CORO7: variants seen among roughly 807,000 people sequenced by gnomAD.
The protein encoded by CORO7 is coronin-7.
A neutral mutation model predicts 126.6 loss-of-function variants in CORO7; 107 were observed. That is an observed-to-expected ratio of 0.85 (90% CI 0.72 to 0.99). CORO7 has a LOEUF of 0.99. CORO7 is among the 50% of genes least tolerant of loss of function. CORO7 has a pLI of 0.00. For synonymous variants in CORO7, 603 were observed against 536.8 expected, an observed-to-expected ratio of 1.12 and a Z score of -1.70; for missense variants, 1,314 against 1,255.8, an observed-to-expected ratio of 1.05 and a Z score of -0.70.
Position 4,412,109 on chromosome 16 carries a change from CA to C in CORO7, c.232+246del, listed in dbSNP as rs1421151835. On this transcript the variant is annotated intron_variant, in intron 3 of 27. Coordinates refer to ENST00000251166, the MANE Select transcript of CORO7 (RefSeq NM_024535.5). ...GCATCAGCCTGGAGCCTGGGGCGGC[CA>C]CTGCACACCCCGCTCCATCCAGCTC... 2.0e-5 allele frequency among the ~76,000 whole-genome samples: 3 copies of C among 152,188 alleles called. No homozygotes were observed. The East Asian group carries it at 5.8e-4, about 29-fold the overall frequency.
Position 4,355,383 on chromosome 16 carries a change from G to A in CORO7, c.2686-11C>T, listed in dbSNP as rs2053943192. 2 of 1,606,220 alleles carry A rather than the reference G, an allele frequency of 1.2e-6. No individual in the cohort carries two copies. The highest frequency in any genetic ancestry group is 1.7e-6 in the Non-Finnish European group (2 of 1,178,816). On this transcript the variant is annotated splice_polypyrimidine_tract_variant and intron_variant, in intron 26 of 27. Transcript: ENST00000251166. ...CATGGCATTCAGCAGCTGGGAGAGAGGGCAGAAGAAGGGTAGGTAAGGGAA... is the reference window on the plus strand; with the variant it reads ...CATGGCATTCAGCAGCTGGGAGAGAAGGCAGAAGAAGGGTAGGTAAGGGAA...
At chr16:4,376,295 C>T (rs1173305844) in intron 9 of CORO7, among the ~76,000 whole-genome samples, 7 of 152,182 alleles carry the variant, frequency 4.6e-5, no homozygotes, top group African/African-American at 1.2e-4. Flanking sequence ...CCGTCCTGGC[C>T]GCCGGCACAG....
chr16:4,392,624 G>A (rs985439318), intron 7 of CORO7, among the ~76,000 whole-genome samples: 7 of 152,190 alleles, frequency 4.6e-5, no homozygotes, highest in Non-Finnish European at 1.0e-4. Flanking sequence ...AGGCGGCCCC[G>A]CTCCCTGACC....
chr16:4,364,199 G>A lies in CORO7; in HGVS notation c.1275+77C>T, dbSNP rs2054273534. ...AGACACTGTCTCAAAAAAAAAAAAAGGCCGTTCAGCCGGTGAACACTCAGG... is the reference window on the plus strand; with the variant it reads ...AGACACTGTCTCAAAAAAAAAAAAAAGCCGTTCAGCCGGTGAACACTCAGG... On this transcript the variant is annotated intron_variant, in intron 14 of 27. Coordinates refer to ENST00000251166, the MANE Select transcript of CORO7 (RefSeq NM_024535.5). 6 of 1,390,506 alleles carry A rather than the reference G, an allele frequency of 4.3e-6. No homozygotes were observed. The South Asian group carries it at 6.8e-5, about 16-fold the overall frequency. 86.1% of individuals were successfully genotyped at this position (1,390,506 alleles called of 1,614,324 possible).
chr16:4,358,758 A>T, intron 23 of CORO7: 1 of 390,088 alleles, frequency 2.6e-6, no homozygotes, highest in Non-Finnish European at 4.6e-6. Context: ...AAGAGATGTA[A>T]ATAGCACATC....
chr16:4,413,332 T>C lies in CORO7; in HGVS notation c.133A>G (p.Ile45Val), dbSNP rs142610193. 1.5e-5 allele frequency: 24 copies of C among 1,584,634 alleles called. No individual in the cohort carries two copies. In the African/African-American group the frequency reaches 3.0e-4, roughly 20 times the overall value. The change falls in exon 2 of 28, where the codon ATC becomes GTC. Residue 45 changes from isoleucine to valine, a missense_variant. Coordinates refer to ENST00000251166, the MANE Select transcript of CORO7 (RefSeq NM_024535.5). The stretch of plus-strand genomic sequence containing the variant: ...CCAGGACGGTCGGAGTTGAAGGCGA[T>C]CAAGCTGCAGCTTGATTTGATGTGG... Reference protein sequence around the residue: ...RNHIKSSCSLIAFNSDRPGVL... With the variant: ...RNHIKSSCSLVAFNSDRPGVL...
Position 4,413,357 on chromosome 16 carries a change from G to C in CORO7, c.108C>G (p.Asn36Lys), listed in dbSNP as rs185779979. Reference protein sequence around the residue: ...IRAGTAPSCRNHIKSSCSLIA... With the variant: ...IRAGTAPSCRKHIKSSCSLIA... Reference sequence around the variant, plus strand: ...TCAAGCTGCAGCTTGATTTGATGTGGTTCCTGCATGAAGGGGCGGTTCCTG... The same window carrying C: ...TCAAGCTGCAGCTTGATTTGATGTGCTTCCTGCATGAAGGGGCGGTTCCTG... Residue 36 changes from asparagine (N) to lysine (K), a missense_variant, in exon 2 of 28, where the codon AAC becomes AAG. Coordinates refer to ENST00000251166, the MANE Select transcript of CORO7 (RefSeq NM_024535.5). 6.3e-7 allele frequency: 1 copy of C among 1,586,780 alleles called. No homozygotes were observed. The highest frequency in any genetic ancestry group is 1.3e-5 in the African/African-American group (1 of 74,656).
Position 4,416,525 on chromosome 16 carries a change from G to T in CORO7, c.-7C>A. The T allele has an allele frequency of 4.5e-6, 7 of 1,572,588 alleles. No individual in the cohort carries two copies. In the South Asian group the frequency reaches 8.0e-5, roughly 18 times the overall value. On this transcript the variant is annotated 5_prime_UTR_variant, in exon 1 of 28. Coordinates refer to ENST00000251166, the MANE Select transcript of CORO7 (RefSeq NM_024535.5). ...ACACCCTGAAGCGGTTCATGGCGAC[G>T]GGCACGGCGGCGGACGCGTCTTCGA... is the stretch of plus-strand genomic sequence containing the variant.
intron 6 of CORO7, among the ~76,000 whole-genome samples, chr16:4,403,911 C>T (rs959614833): frequency 2.6e-5 from 4 of 152,118 alleles, no homozygotes; most frequent in Non-Finnish European, 4.4e-5. Flanking sequence ...CCTCAAGGAC[C>T]GGCCTCGAGC....
In CORO7 at chr16:4,359,750, A is replaced by T. The variant is rs538643361; in HGVS notation, c.2109-129T>A. On this transcript the variant is annotated intron_variant, in intron 21 of 27. Coordinates refer to ENST00000251166, the MANE Select transcript of CORO7 (RefSeq NM_024535.5). ...GAGGCCTAGTGTGGCCCGGCACCGCAGCCACATCCTAACCTGCCCCTCCAC... is the reference window on the plus strand; with the variant it reads ...GAGGCCTAGTGTGGCCCGGCACCGCTGCCACATCCTAACCTGCCCCTCCAC... 2.0e-4 allele frequency: 248 copies of T among 1,213,316 alleles called. No homozygotes were observed. In the African/African-American group the frequency reaches 3.2e-3, roughly 16 times the overall value. 75.2% of individuals were successfully genotyped at this position (1,213,316 alleles called of 1,614,324 possible). A position where few individuals can be genotyped will look rare whatever the true frequency, so the allele number is the denominator to read the frequency against.
In CORO7 at chr16:4,360,802, A is replaced by ACTGCTGGCCCCACCCCTCCTCG; in HGVS notation, c.1917+119_1917+140dup. 3 of 1,260,008 alleles carry ACTGCTGGCCCCACCCCTCCTCG rather than the reference A, an allele frequency of 2.4e-6. No individual in the cohort carries two copies. In the South Asian group the frequency reaches 5.5e-5, roughly 23 times the overall value. 78.1% of individuals were successfully genotyped at this position (1,260,008 alleles called of 1,614,324 possible). On this transcript the variant is annotated intron_variant, in intron 19 of 27. Coordinates refer to ENST00000251166, the MANE Select transcript of CORO7 (RefSeq NM_024535.5). ...CCTCACCACTGGCCCCCCTCTCCTC[A>ACTGCTGGCCCCACCCCTCCTCG]CTGCTGGCCCCACCCCTCCTCGCTG...
At chr16:4,386,448 G>T (rs182248865) in intron 9 of CORO7, among the ~76,000 whole-genome samples, 1 of 152,180 alleles carries the variant, frequency 6.6e-6, no homozygotes, top group African/African-American at 2.4e-5. Flanking sequence ...GCCTCCACTG[G>T]GGGCCCTGCA....
intron 7 of CORO7, among the ~76,000 whole-genome samples, chr16:4,389,565 A>T (rs1463548824): frequency 7.9e-5 from 12 of 152,122 alleles, no homozygotes. Flanking sequence ...CCAGCGTGGG[A>T]GACCATCGGA....
intron 9 of CORO7, among the ~76,000 whole-genome samples, chr16:4,366,332 C>T (rs1407270035): frequency 6.6e-6 from 1 of 152,016 alleles, no homozygotes; most frequent in Non-Finnish European, 1.5e-5. Flanking sequence ...CTATGTCCAG[C>T]TCAGCCTTGG....
chr16:4,403,075 C>T (rs1167952825), intron 6 of CORO7, among the ~76,000 whole-genome samples: 2 of 152,120 alleles, frequency 1.3e-5, no homozygotes, highest in Non-Finnish European at 1.5e-5. Flanking sequence ...CACCCCCATC[C>T]CCATCAGGCA....
rs756360241 is a variant in CORO7, at chr16:4,416,536, C to T, written c.-18G>A. 30 of 1,570,494 alleles carry T rather than the reference C, an allele frequency of 1.9e-5. No homozygotes were observed. The highest frequency in any genetic ancestry group is 2.6e-6 in the Non-Finnish European group (3 of 1,162,098). ...CGGTTCATGGCGACGGGCACGGCGG[C>T]GGACGCGTCTTCGAGGACCCCGGGC... On this transcript the variant is annotated 5_prime_UTR_variant, in exon 1 of 28. Coordinates refer to ENST00000251166, the MANE Select transcript of CORO7 (RefSeq NM_024535.5).
At chr16:4,392,373 C>A (rs2055426007) in intron 7 of CORO7, among the ~76,000 whole-genome samples, 1 of 152,184 alleles carries the variant, frequency 6.6e-6, no homozygotes, top group African/African-American at 2.4e-5. Context: ...GGGTCTGCAC[C>A]TCCGAGGAAG....
At chr16:4,405,433 G>T in intron 6 of CORO7, 58 bp downstream of exon 6, 3 of 1,553,820 alleles carry the variant, frequency 1.9e-6, no homozygotes, top group Non-Finnish European at 1.7e-6. Flanking sequence ...AGCCCAGGGG[G>T]TCCCAGCCCA....
chr16:4,413,576 C>CTCAAA, intron 1 of CORO7, 172 bp from the exon 2 acceptor site: 2 of 590,342 alleles, frequency 3.4e-6, no homozygotes, highest in Non-Finnish European at 5.7e-6. Context: ...CTCACTCTGT[C>CTCAAA]ACCCAGGCTA....
Sources: allele counts gnomAD v4.1 joint callset (sites outside exome capture counted in the v4.1 genomes callset), GRCh38; gene constraint gnomAD v4.1.1; transcripts MANE v1.5; gene names NCBI Gene and HGNC (gene_info 2026-07-23, HGNC 2026-07-21).